CTDSPL: variants seen among roughly 807,000 people sequenced by gnomAD.
CTDSPL encodes CTD small phosphatase-like protein.
Under a neutral mutation model 30.5 loss-of-function variants are expected in CTDSPL, and 8 were observed. The observed-to-expected ratio is 0.26, with a 90% CI of 0.15 to 0.47. CTDSPL has a LOEUF of 0.47. Among genes scored for constraint, CTDSPL ranks in the 20% least tolerant of loss-of-function variants. CTDSPL has a pLI of 0.99. For synonymous variants in CTDSPL, 110 were observed against 137.9 expected, an observed-to-expected ratio of 0.80 and a Z score of 1.42; for missense variants, 248 against 366.1, an observed-to-expected ratio of 0.68 and a Z score of 2.63.
intron 1 of CTDSPL, among the ~76,000 whole-genome samples, chr3:37,922,142 G>A (rs867761239): frequency 3.3e-5 from 5 of 152,030 alleles, no homozygotes; most frequent in Non-Finnish European, 7.4e-5. Flanking sequence ...GGCTGAGGCA[G>A]GAGAATCACT....
At chr3:37,882,555 T>C (rs2125592902) in intron 1 of CTDSPL, among the ~76,000 whole-genome samples, 1 of 152,052 alleles carries the variant, frequency 6.6e-6, no homozygotes, top group Non-Finnish European at 1.5e-5. Flanking sequence ...AGGCAGAGGT[T>C]GCAATGAGCC....
intron 1 of CTDSPL, among the ~76,000 whole-genome samples, chr3:37,878,895 G>A (rs931226029): frequency 6.6e-6 from 1 of 152,174 alleles, no homozygotes; most frequent in Non-Finnish European, 1.5e-5. Context: ...TTATGCAATA[G>A]TATAAAAATG....
intron 1 of CTDSPL, 101 bp from the exon 2 acceptor site, chr3:37,946,956 C>G (rs1699045631): frequency 1.5e-6 from 2 of 1,321,532 alleles, no homozygotes; most frequent in African/African-American, 2.9e-5. Flanking sequence ...GGGCTGGAAT[C>G]TGGGGTCTGG....
At chr3:37,904,755 AG>A (rs1698494757) in intron 1 of CTDSPL, among the ~76,000 whole-genome samples, 1 of 152,204 alleles carries the variant, frequency 6.6e-6, no homozygotes, top group Non-Finnish European at 1.5e-5. Flanking sequence ...TGCATCAGAC[AG>A]ACCTGATCCA....
intron 1 of CTDSPL, among the ~76,000 whole-genome samples, chr3:37,875,504 C>G (rs1437376430): frequency 1.3e-5 from 2 of 152,202 alleles, no homozygotes; most frequent in Non-Finnish European, 2.9e-5. Flanking sequence ...TTCAGGCTGT[C>G]TTGAACAGAC....
At chr3:37,905,938 C>T (rs952132777) in intron 1 of CTDSPL, among the ~76,000 whole-genome samples, 1 of 152,226 alleles carries the variant, frequency 6.6e-6, no homozygotes, top group African/African-American at 2.4e-5. Flanking sequence ...AGAGTATGGA[C>T]TGGCACCCAG....
rs547377786 is a variant in CTDSPL at position 37,958,854 on chromosome 3, A to G, written c.267+1711A>G. 2.1e-4 allele frequency among the ~76,000 whole-genome samples: 32 copies of G among 152,358 alleles called. No homozygotes were observed. In the East Asian group the frequency reaches 5.8e-3, roughly 28 times the overall value. Reference sequence around the variant, plus strand: ...CAGAAAAGCATTTCCACTAGTGAGCACAGTGTGATTTCCACTGACTGCTTA... The same window carrying G: ...CAGAAAAGCATTTCCACTAGTGAGCGCAGTGTGATTTCCACTGACTGCTTA... On this transcript the variant is annotated intron_variant, in intron 3 of 7. Coordinates refer to ENST00000273179, the MANE Select transcript of CTDSPL (RefSeq NM_001008392.2).
At chr3:37,919,787 G>T (rs868710770) in intron 1 of CTDSPL, among the ~76,000 whole-genome samples, 21 of 152,170 alleles carry the variant, frequency 1.4e-4, no homozygotes, top group African/African-American at 3.9e-4. Flanking sequence ...TGGATTCCAG[G>T]AGTTGTGCTT....
At chr3:37,959,888 A>G (rs536808780) in intron 3 of CTDSPL, among the ~76,000 whole-genome samples, 8 of 152,340 alleles carry the variant, frequency 5.3e-5, no homozygotes, top group African/African-American at 1.4e-4. Context: ...AAATGTTTCA[A>G]TCTTTGCTAA....
intron 1 of CTDSPL, chr3:37,911,903 CA>C (rs1368282134): frequency 2.3e-5 from 7 of 298,646 alleles, no homozygotes; most frequent in African/African-American, 1.5e-4. Context: ...TACTAAAATA[CA>C]AAAATGTATT....
intron 1 of CTDSPL, among the ~76,000 whole-genome samples, chr3:37,876,998 C>G (rs2125590626): frequency 6.6e-6 from 1 of 150,808 alleles, no homozygotes; most frequent in East Asian, 2.0e-4. Flanking sequence ...CCCAGCTACT[C>G]AGGAGGTTGA....
At chr3:37,921,328 T>C (rs2125610384) in intron 1 of CTDSPL, among the ~76,000 whole-genome samples, 1 of 152,246 alleles carries the variant, frequency 6.6e-6, no homozygotes, top group African/African-American at 2.4e-5. Context: ...TGGCTGGCCT[T>C]CACAGCAGCG....
At chr3:37,979,660 A>C (rs1699467478) in intron 7 of CTDSPL, among the ~76,000 whole-genome samples, 1 of 152,164 alleles carries the variant, frequency 6.6e-6, no homozygotes, top group African/African-American at 2.4e-5. Context: ...GCTACTTGGG[A>C]GGCTGAGGTG....
intron 1 of CTDSPL, among the ~76,000 whole-genome samples, chr3:37,923,644 A>G (rs1698745814): frequency 6.6e-6 from 1 of 152,246 alleles, no homozygotes; most frequent in Admixed American, 6.5e-5. Context: ...AACATATCTT[A>G]TAAAGCCGTA....
intron 1 of CTDSPL, among the ~76,000 whole-genome samples, chr3:37,933,112 C>T (rs552222356): frequency 6.7e-6 from 1 of 149,002 alleles, no homozygotes; most frequent in Non-Finnish European, 1.5e-5. Flanking sequence ...AAGACCGCTC[C>T]ACTACACTCC....
intron 7 of CTDSPL, among the ~76,000 whole-genome samples, chr3:37,977,168 C>G (rs562970693): frequency 7.9e-5 from 12 of 152,290 alleles, no homozygotes; most frequent in Middle Eastern, 3.4e-3. Context: ...GGTAACGTGT[C>G]TCTAACAGAT....
intron 4 of CTDSPL, among the ~76,000 whole-genome samples, chr3:37,967,625 G>A (rs1478835766): frequency 6.6e-6 from 1 of 152,208 alleles, no homozygotes; most frequent in African/African-American, 2.4e-5. Flanking sequence ...TGCTGAAAAT[G>A]TAATGACATT....
intron 1 of CTDSPL, among the ~76,000 whole-genome samples, chr3:37,910,897 C>G (rs778928229): frequency 3.3e-5 from 5 of 152,070 alleles, no homozygotes; most frequent in Non-Finnish European, 5.9e-5. Flanking sequence ...GAGGTAAGAC[C>G]CTGGGTTACA....
intron 5 of CTDSPL, chr3:37,969,271 A>G: frequency 2.3e-6 from 1 of 439,862 alleles, no homozygotes; most frequent in Admixed American, 2.6e-5. Flanking sequence ...CCATTCTTGC[A>G]GGAGCTCCCC....
Sources: gnomAD v4.1 joint callset for allele counts (sites outside exome capture counted in the v4.1 genomes callset) on GRCh38, gnomAD v4.1.1 for gene constraint, MANE v1.5 for transcripts, NCBI Gene and HGNC (gene_info 2026-07-23, HGNC 2026-07-21) for gene names.